Variants in DYNC1H1 observed in about 807,000 individuals in gnomAD.
DYNC1H1 encodes dynein cytoplasmic 1 heavy chain 1.
Under a neutral mutation model 527.1 loss-of-function variants are expected in DYNC1H1, and 51 were observed. That is an observed-to-expected ratio of 0.10 (90% confidence interval 0.08 to 0.12). The LOEUF is 0.12. Ranked by LOEUF, DYNC1H1 falls within the 10% of genes least tolerant of loss-of-function variation. The probability of loss-of-function intolerance (pLI) is 1.00; values close to 1 mark genes in which losing one functional copy is unlikely to be tolerated. For synonymous variants in DYNC1H1, 2,189 were observed against 2,278.8 expected, an observed-to-expected ratio of 0.96 and a Z score of 1.12; for missense variants, 2,771 against 5,971.8, an observed-to-expected ratio of 0.46 and a Z score of 17.66.
intron 16 of DYNC1H1, among the ~76,000 whole-genome samples, chr14:101,999,611 A>T (rs1419203248): frequency 6.6e-6 from 1 of 152,168 alleles, no homozygotes; most frequent in Non-Finnish European, 1.5e-5. Flanking sequence ...TAACTGATGT[A>T]ACAACTGTGT....
At chr14:102,040,435 A>T in intron 63 of DYNC1H1, 25 bp downstream of exon 63, 1 of 1,614,144 alleles carries the variant, frequency 6.2e-7, no homozygotes, top group Non-Finnish European at 8.5e-7. Context: ...GAATGTTCCC[A>T]GTAGGTAAAT....
At position 101,983,833 on chromosome 14, in the gene DYNC1H1, A is replaced by G. The variant is rs2047896465; in HGVS notation, c.1461+224A>G. On this transcript the variant is annotated intron_variant, in intron 7 of 77. Coordinates refer to ENST00000360184, the MANE Select transcript of DYNC1H1 (RefSeq NM_001376.5). The surrounding 1 kb of genome is among the most constrained non-coding windows in gnomAD (Gnocchi z 5.3). The stretch of plus-strand genomic sequence containing the variant: ...GCTGGGATTACAGGTGCCTGCCACC[A>G]CGCCCGGCTAATTGTTTATATTTTG... Among the ~76,000 whole-genome samples the G allele has an allele frequency of 2.0e-5, 3 of 151,954 alleles. No individual in the cohort carries two copies. The highest frequency in any genetic ancestry group is 2.9e-5 in the Non-Finnish European group (2 of 68,002).
intron 29 of DYNC1H1, 117 bp from the exon 30 acceptor site, chr14:102,009,726 C>G: frequency 1.3e-6 from 2 of 1,536,992 alleles, no homozygotes; most frequent in Non-Finnish European, 1.8e-6. Context: ...GAGGAAGCGT[C>G]TACTTCAGCT....
intron 48 of DYNC1H1, chr14:102,028,485 A>C (rs1267877493): frequency 5.6e-6 from 2 of 358,782 alleles, no homozygotes; most frequent in Admixed American, 3.9e-5. Flanking sequence ...ACTGCAATCC[A>C]GCCTGGGCAA....
chr14:101,979,644 G>A lies in DYNC1H1; in HGVS notation c.519-75G>A. The A allele has an allele frequency of 1.2e-6, 2 of 1,610,364 alleles. No individual in the cohort carries two copies. The highest frequency in any genetic ancestry group is 1.1e-5 in the South Asian group (1 of 90,708). On this transcript the variant is annotated intron_variant, in intron 3 of 77. Transcript: ENST00000360184. The surrounding 1 kb of genome is among the most constrained non-coding windows in gnomAD (Gnocchi z 4.6). ...ATAAATATGTGTGTCATTACTATTT[G>A]ACAGACCTGAAATGATGGGATCTCT...
chr14:102,030,107 TAGTC>T, intron 50 of DYNC1H1, 51 bp from the exon 51 acceptor site: 2 of 1,613,556 alleles, frequency 1.2e-6, no homozygotes, highest in Non-Finnish European at 1.7e-6. Flanking sequence ...GTTTAGAATT[TAGTC>T]AGCAAATTAA....
rs756952571 is a variant in DYNC1H1, at chr14:102,016,717, GGA to G, written c.7615-47_7615-46del. ...GTGTTCAGGTAAACAAACCTCGTGA[GGA>G]GGCACCTTGGTTGCAGCCGGACTCA... On this transcript the variant is annotated intron_variant, in intron 37 of 77. Coordinates refer to ENST00000360184, the MANE Select transcript of DYNC1H1 (RefSeq NM_001376.5). The surrounding 1 kb of genome is among the most constrained non-coding windows in gnomAD (Gnocchi z 7.3). 6 of 1,593,850 alleles carry G rather than the reference GGA, an allele frequency of 3.8e-6. No individual in the cohort carries two copies. In the South Asian group the frequency reaches 4.5e-5, roughly 12 times the overall value.
chr14:102,027,853 G>T lies in DYNC1H1; in HGVS notation c.9263+20G>T, dbSNP rs755226929. ...CAACAGGTACGTGGGCCTTTACTTG[G>T]CTCTGGGTCAGGAAAGTCGGTGTCC... On this transcript the variant is annotated intron_variant, in intron 47 of 77. Coordinates refer to ENST00000360184, the MANE Select transcript of DYNC1H1 (RefSeq NM_001376.5). The surrounding 1 kb of genome is among the most constrained non-coding windows in gnomAD (Gnocchi z 7.7). The T allele has an allele frequency of 1.2e-6, 2 of 1,614,210 alleles. No individual in the cohort carries two copies. Among genetic ancestry groups the T allele is most frequent in the Admixed American group, 1.7e-5 (1 of 60,022 alleles).
chr14:102,032,546 A>G, intron 52 of DYNC1H1, 79 bp downstream of exon 52: 2 of 1,578,058 alleles, frequency 1.3e-6, no homozygotes, highest in African/African-American at 1.3e-5. Context: ...TCACGCCTCC[A>G]ATCCCAGAAC....
chr14:102,044,296 A>C lies in DYNC1H1; in HGVS notation c.12707A>C (p.Asp4236Ala). ...CAGGGCAGGCAGAACATCTCACCGG[A>C]TAAGATCCCGTGGTCTGCACTAAAG... ...TAKGRQNISP[D>A]KIPWSALKTL... Residue 4236 changes from aspartate to alanine, a missense_variant, in exon 71 of 78, where the codon GAT becomes GCT. Coordinates refer to ENST00000360184, the MANE Select transcript of DYNC1H1 (RefSeq NM_001376.5). The surrounding 1 kb of genome is among the most constrained non-coding windows in gnomAD (Gnocchi z 7.1). 1 of 1,614,076 alleles carries C rather than the reference A, an allele frequency of 6.2e-7. No individual in the cohort carries two copies.
chr14:102,043,650 AG>A, intron 69 of DYNC1H1: 1 of 604,042 alleles, frequency 1.7e-6, no homozygotes, highest in Non-Finnish European at 2.9e-6. Context: ...TGTCTTCTCT[AG>A]ATTTCTTACT....
chr14:102,004,714 C>T (rs779867034), intron 24 of DYNC1H1, 31 bp downstream of exon 24: 13 of 1,614,042 alleles, frequency 8.1e-6, no homozygotes, highest in Admixed American at 3.3e-5. Flanking sequence ...TTTAAAACTT[C>T]TCTCACATTT....
chr14:102,028,282 C>A (rs1231581684), intron 48 of DYNC1H1, 141 bp downstream of exon 48: 6 of 989,638 alleles, frequency 6.1e-6, no homozygotes, highest in Non-Finnish European at 9.1e-6. Context: ...GAGGCCAAGG[C>A]GGGAGGATCA....
Position 102,050,757 on chromosome 14 carries a change from C to T in DYNC1H1, c.*194C>T, listed in dbSNP as rs566606862. 805 of 795,532 alleles carry T rather than the reference C, an allele frequency of 1.0e-3. 4 individuals are homozygous for T. The highest frequency in any genetic ancestry group is 1.4e-3 in the Non-Finnish European group (701 of 500,646). The allele number at this position is 795,532 out of a possible 1,614,324, so 49.3% of individuals were successfully genotyped here. The stretch of plus-strand genomic sequence containing the variant: ...AGGAGGTATTTGGGAAGGCCAATGG[C>T]GTGGCTCCTTTGAGGAAATAAAACA... On this transcript the variant is annotated 3_prime_UTR_variant, in exon 78 of 78. Coordinates refer to ENST00000360184, the MANE Select transcript of DYNC1H1 (RefSeq NM_001376.5).
At chr14:102,021,306 GGCTGCA>G (rs1455596202) in intron 42 of DYNC1H1, among the ~76,000 whole-genome samples, 1 of 152,164 alleles carries the variant, frequency 6.6e-6, no homozygotes, top group African/African-American at 2.4e-5. Flanking sequence ...GAGCCTGGGA[GGCTGCA>G]GCTACAGTGA....
At chr14:102,040,827 T>C in intron 64 of DYNC1H1, 154 bp downstream of exon 64, 1 of 863,408 alleles carries the variant, frequency 1.2e-6, no homozygotes, top group South Asian at 1.4e-5. Flanking sequence ...GGCGTGGCGG[T>C]GCACACCTGT....
At chr14:101,973,665 G>T (rs1363219937) in intron 1 of DYNC1H1, among the ~76,000 whole-genome samples, 3 of 152,100 alleles carry the variant, frequency 2.0e-5, no homozygotes, top group African/African-American at 7.2e-5. Context: ...TCCACTGAAG[G>T]TGGTGGCATG....
Position 102,000,125 on chromosome 14 carries a change from G to A in DYNC1H1, c.3941G>A (p.Gly1314Asp), listed in dbSNP as rs1471974846. 1 of 1,614,238 alleles carries A rather than the reference G, an allele frequency of 6.2e-7. No homozygotes were observed. Among genetic ancestry groups the A allele is most frequent in the Non-Finnish European group, 8.5e-7 (1 of 1,180,034 alleles). ...LELTDTGLLS[G>D]SEERVQVALE... is the part of the protein sequence containing the mutation. ...TTGACAGATACTGGGCTTCTCAGTG[G>A]CAGTGAAGAGCGCGTGCAGGTATGA... Residue 1314 changes from glycine (G) to aspartate (D), a missense_variant, in exon 17 of 78, where the codon GGC becomes GAC. By Grantham distance (94) the Gly-to-Asp change is moderately conservative (BLOSUM62 -1). This residue lies in a region of DYNC1H1 where 223 missense variants were observed against 462.5 expected (regional missense o/e 0.48). Coordinates refer to ENST00000360184, the MANE Select transcript of DYNC1H1 (RefSeq NM_001376.5).
intron 27 of DYNC1H1, 108 bp from the exon 28 acceptor site, chr14:102,006,900 A>G: frequency 8.1e-7 from 1 of 1,230,816 alleles, no homozygotes; most frequent in Non-Finnish European, 1.2e-6. Flanking sequence ...CTACCTGGCC[A>G]CTACTTGGAT....
Sources: gnomAD v4.1 joint callset for allele counts (sites outside exome capture counted in the v4.1 genomes callset) on GRCh38, gnomAD v4.1.1 for gene constraint, gnomAD v4.1.1 regional missense constraint, Gnocchi (gnomAD v3.1) non-coding constraint, MANE v1.5 for transcripts, NCBI Gene and HGNC (gene_info 2026-07-23, HGNC 2026-07-21) for gene names.